ZNF804B: variants seen among roughly 807,000 people sequenced by gnomAD.
The protein encoded by ZNF804B is zinc finger protein 804B.
Under a neutral mutation model 101.4 loss-of-function variants are expected in ZNF804B, and 80 were observed. The ratio of observed to expected loss-of-function variants is 0.79; its 90% confidence interval spans 0.66 to 0.95. The LOEUF (loss-of-function observed/expected upper bound fraction) is 0.95, where lower values mean the gene tolerates loss of function less well. Among genes scored for constraint, ZNF804B ranks in the 40% least tolerant of loss-of-function variants. The pLI, the probability that ZNF804B is intolerant of heterozygous loss-of-function variation, is 0.00. For missense variants in ZNF804B, 1,673 were observed against 1,561.9 expected (o/e 1.07, Z -1.20); for synonymous variants, 622 against 558.8 (o/e 1.11, Z -1.59).
intron 1 of ZNF804B, among the ~76,000 whole-genome samples, chr7:89,169,485 G>A (rs1791193337): frequency 6.6e-6 from 1 of 152,114 alleles, no homozygotes; most frequent in South Asian, 2.1e-4. Context: ...TACAAGCCCT[G>A]TGTTTAAAGT....
chr7:89,239,209 T>C (rs1156690015), intron 2 of ZNF804B, among the ~76,000 whole-genome samples: 3 of 151,944 alleles, frequency 2.0e-5, no homozygotes, highest in African/African-American at 7.3e-5. Flanking sequence ...CAGGACAGAG[T>C]CTGTCAAATC....
chr7:89,127,289 CTTTG>C (rs1041330458), intron 1 of ZNF804B, among the ~76,000 whole-genome samples: 11 of 151,756 alleles, frequency 7.2e-5, no homozygotes, highest in Admixed American at 3.3e-4. Flanking sequence ...GATGAGTAAT[CTTTG>C]TTTGTTTGTT....
intron 1 of ZNF804B, among the ~76,000 whole-genome samples, chr7:89,085,931 T>C (rs989715): frequency 0.3 from 46,164 of 151,788 alleles, 7,432 homozygotes; most frequent in East Asian, 0.52. Context: ...CCGGGATTTT[T>C]AAAACACGAT....
At chr7:89,319,117 G>T (rs979877748) in intron 2 of ZNF804B, among the ~76,000 whole-genome samples, 4 of 152,104 alleles carry the variant, frequency 2.6e-5, no homozygotes, top group East Asian at 3.9e-4. Context: ...CCTTGCCCTC[G>T]TTCCTGTAAA....
rs183816997 is a variant in ZNF804B at position 88,990,421 on chromosome 7, A to G, written c.109-227734A>G. Among the ~76,000 whole-genome samples the G allele has an allele frequency of 2.0e-3, 297 of 152,256 alleles. 1 individual carries two copies. Among genetic ancestry groups the G allele is most frequent in the African/African-American group, 6.8e-3 (282 of 41,576 alleles). On this transcript the variant is annotated intron_variant, in intron 1 of 3. Coordinates refer to ENST00000333190, the MANE Select transcript of ZNF804B (RefSeq NM_181646.5). ...TGGATATACAGATAAATAGATATCC[A>G]TCACTGTTAAACTCTTTTTGCAGAT...
At chr7:89,060,491 A>G (rs1789362837) in intron 1 of ZNF804B, among the ~76,000 whole-genome samples, 1 of 152,168 alleles carries the variant, frequency 6.6e-6, no homozygotes, top group Non-Finnish European at 1.5e-5. Flanking sequence ...TGTCAAGTGG[A>G]CAGCATCTAC....
intron 1 of ZNF804B, among the ~76,000 whole-genome samples, chr7:88,873,863 G>A (rs558857618): frequency 6.6e-6 from 1 of 152,072 alleles, no homozygotes; most frequent in Non-Finnish European, 1.5e-5. Context: ...CACTGTTTTG[G>A]TTACTGTAGC....
At position 89,285,925 on chromosome 7, in the gene ZNF804B, C is replaced by T. The variant is rs143646211; in HGVS notation, c.250-41419C>T. On this transcript the variant is annotated intron_variant, in intron 2 of 3. Coordinates refer to ENST00000333190, the MANE Select transcript of ZNF804B (RefSeq NM_181646.5). ...GCAATACCAATCCCTCTTCTTCTTCCTTCTCCTCAGCCTACTCAATATGGG... is the reference window on the plus strand; with the variant it reads ...GCAATACCAATCCCTCTTCTTCTTCTTTCTCCTCAGCCTACTCAATATGGG... Among the ~76,000 whole-genome samples the T allele has an allele frequency of 3.2e-3, 472 of 145,652 alleles. 4 individuals are homozygous for T. Among genetic ancestry groups the T allele is most frequent in the African/African-American group, 0.013 (449 of 35,370 alleles).
chr7:89,237,778 C>A (rs1789307623), intron 2 of ZNF804B, among the ~76,000 whole-genome samples: 1 of 152,104 alleles, frequency 6.6e-6, no homozygotes, highest in African/African-American at 2.4e-5. Flanking sequence ...TTGCTGCCAG[C>A]ACTTCTCTAT....
intron 2 of ZNF804B, among the ~76,000 whole-genome samples, chr7:89,276,357 T>C (rs146674645): frequency 3.0e-4 from 45 of 151,886 alleles, no homozygotes; most frequent in African/African-American, 9.2e-4. Flanking sequence ...GTTATATAGG[T>C]AAAAGACCCC....
At chr7:89,285,499 GGC>G (rs1397235747) in intron 2 of ZNF804B, among the ~76,000 whole-genome samples, 2 of 116,646 alleles carry the variant, frequency 1.7e-5, no homozygotes, top group African/African-American at 3.5e-5. Flanking sequence ...CTCCAGCCTG[GGC>G]GAGAGAGCGA....
intron 1 of ZNF804B, among the ~76,000 whole-genome samples, chr7:88,867,538 A>AT (rs1791748745): frequency 6.6e-6 from 1 of 152,028 alleles, no homozygotes; most frequent in African/African-American, 2.4e-5. Context: ...TTAAGGGGGG[A>AT]TTTTCCTCAC....
intron 1 of ZNF804B, among the ~76,000 whole-genome samples, chr7:89,017,693 C>T (rs572820892): frequency 1.3e-5 from 2 of 152,178 alleles, no homozygotes; most frequent in East Asian, 1.9e-4. Context: ...TCATCAATTT[C>T]TTTCATCAGT....
chr7:89,334,524 C>A lies in ZNF804B; in HGVS notation c.1542C>A (p.Ser514Arg), dbSNP rs140466152. 2.5e-6 allele frequency: 4 copies of A among 1,613,418 alleles called. No individual in the cohort carries two copies. The South Asian group carries it at 4.4e-5, about 18-fold the overall frequency. ...KPLELKTKRE[S>R]QVSGLTEDQQ... ...TGGAATTGAAGACTAAAAGAGAGAG[C>A]CAAGTCTCAGGTTTAACTGAAGACC... is the stretch of plus-strand genomic sequence containing the variant. The change falls in exon 4 of 4, where the codon AGC becomes AGA. Residue 514 changes from serine to arginine, a missense_variant. Ser to Arg is a moderately radical substitution (Grantham distance 110). Transcript: ENST00000333190.
intron 1 of ZNF804B, among the ~76,000 whole-genome samples, chr7:89,217,654 T>C (rs1048404486): frequency 6.6e-6 from 1 of 152,204 alleles, no homozygotes; most frequent in African/African-American, 2.4e-5. Context: ...ATTGGTAATG[T>C]GCAGCAGGAA....
At chr7:89,005,581 A>G (rs553329385) in intron 1 of ZNF804B, among the ~76,000 whole-genome samples, 59 of 152,220 alleles carry the variant, frequency 3.9e-4, no homozygotes, top group African/African-American at 1.4e-3. Flanking sequence ...TTATTCTGTT[A>G]TTGCAGTTGT....
chr7:88,956,697 G>GA (rs1793315788), intron 1 of ZNF804B, among the ~76,000 whole-genome samples: 1 of 151,196 alleles, frequency 6.6e-6, no homozygotes, highest in Non-Finnish European at 1.5e-5. Flanking sequence ...AAGGAACACA[G>GA]AAAAAATATT....
intron 1 of ZNF804B, among the ~76,000 whole-genome samples, chr7:88,791,751 A>G (rs1246149413): frequency 1.3e-5 from 2 of 152,164 alleles, no homozygotes; most frequent in Non-Finnish European, 2.9e-5. Context: ...AAGAGCTTAT[A>G]CACGTATATA....
At chr7:89,177,892 G>A (rs865955836) in intron 1 of ZNF804B, among the ~76,000 whole-genome samples, 4 of 151,088 alleles carry the variant, frequency 2.6e-5, no homozygotes, top group Admixed American at 6.6e-5. Flanking sequence ...CCGACACAGC[G>A]CCACTGCACT....
Sources: gnomAD v4.1 joint callset for allele counts (sites outside exome capture counted in the v4.1 genomes callset) on GRCh38, gnomAD v4.1.1 for gene constraint, MANE v1.5 for transcripts, NCBI Gene and HGNC (gene_info 2026-07-23, HGNC 2026-07-21) for gene names.